The following CSMD1 variants were observed in gnomAD, a reference collection of about 807,000 sequenced individuals.
The protein encoded by CSMD1 is CUB and sushi domain-containing protein 1.
Under a neutral mutation model 417.5 loss-of-function variants are expected in CSMD1, and 213 were observed. The observed-to-expected ratio is 0.51, with a 90% CI of 0.46 to 0.57. The LOEUF (loss-of-function observed/expected upper bound fraction) is 0.57, where lower values mean the gene tolerates loss of function less well. Ranked by LOEUF, CSMD1 falls within the 20% of genes least tolerant of loss-of-function variation. The pLI is 0.00. For missense variants in CSMD1, 6,923 were observed against 4,529.7 expected (o/e 1.53, Z -15.17); for synonymous variants, 2,862 against 1,736.8 (o/e 1.65, Z -16.11).
At chr8:4,514,091 T>A (rs13438867) in intron 2 of CSMD1, among the ~76,000 whole-genome samples, 27,899 of 152,020 alleles carry the variant, frequency 0.18, 2,622 homozygotes, top group African/African-American at 0.19. Flanking sequence ...TATTATTATT[T>A]TTTACAGTTC....
intron 4 of CSMD1, among the ~76,000 whole-genome samples, chr8:4,021,532 G>A (rs1796788219): frequency 6.6e-6 from 1 of 152,152 alleles, no homozygotes; most frequent in Admixed American, 6.5e-5. Flanking sequence ...GGATGCTCCA[G>A]CAAGGATCAG....
chr8:4,724,633 A>G (rs1002970721), intron 1 of CSMD1, among the ~76,000 whole-genome samples: 22 of 152,024 alleles, frequency 1.4e-4, no homozygotes, highest in Non-Finnish European at 2.8e-4. Flanking sequence ...TTTGGAAAAA[A>G]TAAATGTAAG....
At chr8:3,461,471 G>T (rs1365254654) in intron 12 of CSMD1, among the ~76,000 whole-genome samples, 9 of 152,314 alleles carry the variant, frequency 5.9e-5, no homozygotes, top group African/African-American at 2.2e-4. Flanking sequence ...AGGGGAAGCA[G>T]GAGTAGCTGT....
chr8:4,843,938 T>C lies in CSMD1; in HGVS notation c.85+150394A>G, dbSNP rs138357772. Among the ~76,000 whole-genome samples the C allele has an allele frequency of 1.4e-4, 21 of 152,240 alleles. No individual in the cohort carries two copies. In the East Asian group the frequency reaches 3.7e-3, roughly 27 times the overall value. ...ACAGGAGTTAGTTCAGAAGCTAAGA[T>C]AGAGAAAGCTGTAACGGAAAGTGTG... On this transcript the variant is annotated intron_variant, in intron 1 of 69. Coordinates refer to ENST00000635120, the MANE Select transcript of CSMD1 (RefSeq NM_033225.6).
chr8:4,279,151 G>C (rs1585147269), intron 3 of CSMD1, among the ~76,000 whole-genome samples: 1 of 152,066 alleles, frequency 6.6e-6, no homozygotes, highest in South Asian at 2.1e-4. Flanking sequence ...GACGTGCAAA[G>C]GAAATTATTC....
At chr8:4,000,337 G>C (rs879915049) in intron 4 of CSMD1, among the ~76,000 whole-genome samples, 2 of 152,244 alleles carry the variant, frequency 1.3e-5, no homozygotes, top group African/African-American at 4.8e-5. Flanking sequence ...TTACATTCTT[G>C]GGAAGAGCTA....
intron 3 of CSMD1, among the ~76,000 whole-genome samples, chr8:4,134,063 T>G (rs970428712): frequency 7.2e-5 from 11 of 152,210 alleles, no homozygotes; most frequent in Non-Finnish European, 1.2e-4. Context: ...TAATAAAGAT[T>G]AATTGCTATT....
chr8:3,681,092 G>C (rs971310944), intron 7 of CSMD1, among the ~76,000 whole-genome samples: 2 of 152,116 alleles, frequency 1.3e-5, no homozygotes, highest in African/African-American at 2.4e-5. Context: ...ATACTGAATG[G>C]GCAAAAACTG....
chr8:4,008,748 A>C (rs373861198), intron 4 of CSMD1, among the ~76,000 whole-genome samples: 4 of 151,546 alleles, frequency 2.6e-5, no homozygotes, highest in South Asian at 2.1e-4. Context: ...GTAGCTGGGA[A>C]TACAGGCATC....
chr8:3,166,472 T>C (rs1164724284), intron 37 of CSMD1, among the ~76,000 whole-genome samples: 2 of 152,096 alleles, frequency 1.3e-5, no homozygotes, highest in Non-Finnish European at 2.9e-5. Flanking sequence ...AAGCAGAGGT[T>C]GCAGTGAGCC....
At chr8:3,960,408 G>A (rs78075406) in intron 5 of CSMD1, among the ~76,000 whole-genome samples, 2 of 152,254 alleles carry the variant, frequency 1.3e-5, no homozygotes, top group East Asian at 1.9e-4. Flanking sequence ...GCACCAGACA[G>A]AAGACTAGAT....
chr8:3,811,364 T>C (rs1189147411), intron 5 of CSMD1, among the ~76,000 whole-genome samples: 1 of 152,186 alleles, frequency 6.6e-6, no homozygotes, highest in Non-Finnish European at 1.5e-5. Flanking sequence ...ACTTCAGCCT[T>C]TACCTGTGAT....
chr8:4,907,081 T>C (rs1282953343), intron 1 of CSMD1, among the ~76,000 whole-genome samples: 1 of 152,214 alleles, frequency 6.6e-6, no homozygotes, highest in Non-Finnish European at 1.5e-5. Flanking sequence ...TTCTGTTTGG[T>C]ATGTAACAAG....
At chr8:3,160,352 G>A (rs75182151) in intron 38 of CSMD1, among the ~76,000 whole-genome samples, 9,851 of 152,082 alleles carry the variant, frequency 0.065, 421 homozygotes, top group Middle Eastern at 0.12. Flanking sequence ...CAAACTCCTC[G>A]ATTCAAGCAA....
chr8:3,387,708 G>A (rs1287680967), intron 17 of CSMD1, 26 bp from the exon 18 acceptor site: 7 of 1,558,096 alleles, frequency 4.5e-6, no homozygotes, highest in Non-Finnish European at 6.1e-6. Flanking sequence ...GAATGCAGTC[G>A]ATGAGGATCT....
chr8:3,896,832 C>T (rs935602877), intron 5 of CSMD1, among the ~76,000 whole-genome samples: 1 of 151,248 alleles, frequency 6.6e-6, no homozygotes, highest in African/African-American at 2.5e-5. Context: ...CAAGTTTGAA[C>T]CAAAAATAAA....
In CSMD1 at chr8:3,635,819, A is replaced by G. The variant is rs551175000; in HGVS notation, c.1010-19022T>C. On this transcript the variant is annotated intron_variant, in intron 7 of 69. Transcript: ENST00000635120. ...AAAAAAAAAAAAAAAAAAAAAAGAA[A>G]GAAAGAAAGAAAAAAAAAATGAGAC... Among the ~76,000 whole-genome samples the G allele has an allele frequency of 6.6e-3, 990 of 149,972 alleles. 5 individuals are homozygous for G. The highest frequency in any genetic ancestry group is 9.8e-3 in the Non-Finnish European group (659 of 67,356).
intron 1 of CSMD1, among the ~76,000 whole-genome samples, chr8:4,692,457 G>C (rs536095677): frequency 6.6e-6 from 1 of 152,268 alleles, no homozygotes; most frequent in East Asian, 1.9e-4. Context: ...GAAGCTCCTG[G>C]CTATGGTCGA....
At chr8:4,142,369 A>G (rs1485021073) in intron 3 of CSMD1, among the ~76,000 whole-genome samples, 1 of 151,048 alleles carries the variant, frequency 6.6e-6, no homozygotes, top group African/African-American at 2.5e-5. Context: ...GTAGGCAAAT[A>G]TTAGAGGCCT....
Sources: allele counts gnomAD v4.1 joint callset (sites outside exome capture counted in the v4.1 genomes callset), GRCh38; gene constraint gnomAD v4.1.1; transcripts MANE v1.5; gene names NCBI Gene and HGNC (gene_info 2026-07-23, HGNC 2026-07-21).